Variants in TASOR observed in about 807,000 individuals in gnomAD.
The protein encoded by TASOR is transcription activation suppressor, also known as protein TASOR.
Under a neutral mutation model 178.6 loss-of-function variants are expected in TASOR, and 53 were observed. The ratio of observed to expected loss-of-function variants is 0.30; its 90% confidence interval spans 0.24 to 0.37. TASOR has a LOEUF of 0.37. TASOR is among the 10% of genes least tolerant of loss of function. The probability of loss-of-function intolerance (pLI) is 1.00; values close to 1 mark genes in which losing one functional copy is unlikely to be tolerated. For synonymous variants in TASOR, 713 were observed against 696.2 expected (o/e 1.02, Z -0.38); for missense variants, 1,815 against 1,971.4 (o/e 0.92, Z 1.50).
Position 56,671,628 on chromosome 3 carries a change from T to A in TASOR, c.542A>T (p.Tyr181Phe), listed in dbSNP as rs369105420. 1.1e-4 allele frequency: 170 copies of A among 1,549,626 alleles called. No individual in the cohort carries two copies. Among genetic ancestry groups the A allele is most frequent in the Middle Eastern group, 6.7e-4 (4 of 5,968 alleles). Residue 181 changes from tyrosine to phenylalanine, a missense_variant, in exon 3 of 24, where the codon TAT (tyrosine) becomes TTT (phenylalanine). By Grantham distance (22) the Tyr-to-Phe change is conservative (BLOSUM62 3). Around this residue, in one of 5 missense-constraint regions of TASOR, gnomAD observed 504 missense variants for 645.3 expected, o/e 0.78. Transcript: ENST00000683822. ...GTATCGATCAACCATCAGAAATGCA[T>A]AGGATTCTGAAAGTTCCTTATCTAA... The part of the protein sequence containing the change: ...GRLDKELSES[Y>F]AFLMVDRYQV...
chr3:56,663,229 C>T (rs78880562), intron 8 of TASOR, among the ~76,000 whole-genome samples: 1,797 of 152,184 alleles, frequency 0.012, 21 homozygotes, highest in Middle Eastern at 0.062. Flanking sequence ...AATGTCAATG[C>T]TACTTTCAAT....
In TASOR at chr3:56,673,498, A is replaced by G. The variant is rs2030957888; in HGVS notation, c.477+82T>C. On this transcript the variant is annotated intron_variant, in intron 2 of 23. Coordinates refer to ENST00000683822, the MANE Select transcript of TASOR (RefSeq NM_001365635.2). ...GTAATTTGGTTTTCCTAAAAATTTTAGTATTTCTAGAGAACATTTTTTTCC... is the reference window on the plus strand; with the variant it reads ...GTAATTTGGTTTTCCTAAAAATTTTGGTATTTCTAGAGAACATTTTTTTCC... 5.9e-6 allele frequency: 5 copies of G among 852,068 alleles called. No individual in the cohort carries two copies. The East Asian group carries it at 2.0e-4, about 34-fold the overall frequency. The allele number at this position is 852,068 out of a possible 1,614,324, so 52.8% of individuals were successfully genotyped here.
At chr3:56,627,506 C>G in intron 20 of TASOR, 76 bp downstream of exon 20, 1 of 1,469,786 alleles carries the variant, frequency 6.8e-7, no homozygotes, top group Non-Finnish European at 9.4e-7. Flanking sequence ...CTGTGAATGG[C>G]AGAATAAATG....
intron 7 of TASOR, chr3:56,663,862 C>A: frequency 1.0e-6 from 1 of 992,318 alleles, no homozygotes; most frequent in Non-Finnish European, 1.2e-6. Context: ...AGTCTCTTGT[C>A]AATTATTTTG....
intron 6 of TASOR, among the ~76,000 whole-genome samples, chr3:56,668,107 T>C (rs779500258): frequency 6.6e-6 from 1 of 152,188 alleles, no homozygotes; most frequent in Non-Finnish European, 1.5e-5. Flanking sequence ...TGAGGTGTGT[T>C]GAGGGCAATG....
intron 11 of TASOR, among the ~76,000 whole-genome samples, chr3:56,655,011 T>C (rs933614961): frequency 1.3e-5 from 2 of 152,202 alleles, no homozygotes; most frequent in African/African-American, 4.8e-5. Context: ...CCATAAACTA[T>C]TGGTTCTGTT....
At position 56,640,047 on chromosome 3, in the gene TASOR, T is replaced by C. The variant is rs746354854; in HGVS notation, c.2703A>G (p.Gln901=). 3.1e-6 allele frequency: 5 copies of C among 1,612,636 alleles called. No homozygotes were observed. Among genetic ancestry groups the C allele is most frequent in the Non-Finnish European group, 4.2e-6 (5 of 1,178,888 alleles). The change falls in exon 16 of 24, where the codon CAA becomes CAG. Residue 901 remains glutamine (Q), a synonymous_variant. Transcript: ENST00000683822. The part of the protein sequence containing the change: ...SVPIEHGFRR[Q]QSKSNNVEET... ...CTTCAACATTATTTGACTTAGACTG[T>C]TGTCTACGAAATCCATGTTCAATGG...
intron 21 of TASOR, among the ~76,000 whole-genome samples, chr3:56,625,711 GTC>G (rs2107526926): frequency 6.6e-6 from 1 of 151,560 alleles, no homozygotes; most frequent in Non-Finnish European, 1.5e-5. Flanking sequence ...TTGAGACAGA[GTC>G]TCACTCTGTC....
In TASOR at chr3:56,625,183, A is replaced by C. The variant is rs1298748124; in HGVS notation, c.4140-177T>G. On this transcript the variant is annotated intron_variant, in intron 21 of 23. Coordinates refer to ENST00000683822, the MANE Select transcript of TASOR (RefSeq NM_001365635.2). ...TTTGGAAAGAAAGAAAGAAGGGATAAGTCCAGGGGTTTCTTGGTCGCGAGG... is the reference window on the plus strand; with the variant it reads ...TTTGGAAAGAAAGAAAGAAGGGATACGTCCAGGGGTTTCTTGGTCGCGAGG... Among the ~76,000 whole-genome samples the C allele has an allele frequency of 2.0e-5, 3 of 152,166 alleles. No homozygotes were observed. The East Asian group carries it at 5.8e-4, about 29-fold the overall frequency.
At chr3:56,630,132 A>AT (rs1354950073) in intron 18 of TASOR, among the ~76,000 whole-genome samples, 3 of 151,776 alleles carry the variant, frequency 2.0e-5, no homozygotes, top group East Asian at 3.9e-4. Flanking sequence ...TGCCTGGCTA[A>AT]TTTTTTGTAT....
intron 6 of TASOR, among the ~76,000 whole-genome samples, chr3:56,667,520 G>A (rs1008541660): frequency 1.3e-5 from 2 of 152,076 alleles, no homozygotes; most frequent in African/African-American, 2.4e-5. Flanking sequence ...AGCTAGGTGA[G>A]GTGGCAGGTG....
At chr3:56,640,495 C>T (rs2077098766) in intron 15 of TASOR, among the ~76,000 whole-genome samples, 1 of 151,854 alleles carries the variant, frequency 6.6e-6, no homozygotes, top group Non-Finnish European at 1.5e-5. Flanking sequence ...CAACCCATGC[C>T]CCCGCCCCCC....
chr3:56,672,875 T>C (rs1052164700), intron 2 of TASOR, among the ~76,000 whole-genome samples: 2 of 152,220 alleles, frequency 1.3e-5, no homozygotes, highest in Non-Finnish European at 2.9e-5. Context: ...CACCCAGGCT[T>C]GAGTGCAGTG....
chr3:56,661,769 A>G (rs1220977136), intron 9 of TASOR, among the ~76,000 whole-genome samples: 1 of 152,196 alleles, frequency 6.6e-6, no homozygotes, highest in Non-Finnish European at 1.5e-5. Context: ...AAAATGCTAC[A>G]TAAAAAAATA....
chr3:56,658,773 G>A (rs577834215), intron 11 of TASOR, among the ~76,000 whole-genome samples: 2 of 152,218 alleles, frequency 1.3e-5, no homozygotes, highest in African/African-American at 4.8e-5. Context: ...TGGGTGTCGT[G>A]GCACATGCCT....
rs76553345 is a variant in TASOR, at chr3:56,675,787, T to C, written c.332-2062A>G. ...ATAATGTTCCACTTGTACATACTCCTAAAGGTAACAGATGCAGCGAACCGT... is the reference window on the plus strand; with the variant it reads ...ATAATGTTCCACTTGTACATACTCCCAAAGGTAACAGATGCAGCGAACCGT... On this transcript the variant is annotated intron_variant, in intron 1 of 23. Transcript: ENST00000683822. Among the ~76,000 whole-genome samples, 6 of 152,360 alleles carry C rather than the reference T, an allele frequency of 3.9e-5. No homozygotes were observed. In the East Asian group the frequency reaches 9.6e-4, roughly 24 times the overall value.
intron 14 of TASOR, among the ~76,000 whole-genome samples, chr3:56,644,459 G>GA (rs1166909977): frequency 6.6e-6 from 1 of 152,082 alleles, no homozygotes; most frequent in Admixed American, 6.6e-5. Flanking sequence ...TATAAGGCTT[G>GA]AAAGAAATGG....
In TASOR at chr3:56,647,067, T is replaced by C. The variant is rs766354294; in HGVS notation, c.1670A>G (p.Tyr557Cys). 2 of 1,607,480 alleles carry C rather than the reference T, an allele frequency of 1.2e-6. No individual in the cohort carries two copies. ...AINFHSVVEK[Y>C]VSEFFKRGFG... is the part of the protein sequence containing the mutation. ...ACCTCGCTTAAAAAATTCACTTACA[T>C]ACTTTTCAACAACAGAATGAAAATT... Residue 557 changes from tyrosine to cysteine, a missense_variant, in exon 14 of 24, where the codon TAT (tyrosine) becomes TGT (cysteine). Physicochemically the swap from Tyr to Cys is radical, Grantham distance 194. This residue lies in a region of TASOR where 504 missense variants were observed against 645.3 expected (regional missense o/e 0.78). Coordinates refer to ENST00000683822, the MANE Select transcript of TASOR (RefSeq NM_001365635.2).
At chr3:56,659,871 TTTC>T (rs2077554371) in intron 11 of TASOR, among the ~76,000 whole-genome samples, 1 of 152,020 alleles carries the variant, frequency 6.6e-6, no homozygotes, top group Non-Finnish European at 1.5e-5. Context: ...GTTCTTGGAT[TTTC>T]TTTTTTCTTT....
Sources: gnomAD v4.1 joint callset for allele counts (sites outside exome capture counted in the v4.1 genomes callset) on GRCh38, gnomAD v4.1.1 for gene constraint, gnomAD v4.1.1 regional missense constraint, MANE v1.5 for transcripts, NCBI Gene and HGNC (gene_info 2026-07-23, HGNC 2026-07-21) for gene names.